RELN: variants seen among roughly 807,000 people sequenced by gnomAD.
The protein encoded by RELN is reelin.
A neutral mutation model predicts 427.6 loss-of-function variants in RELN; 108 were observed. That is an observed-to-expected ratio of 0.25 (90% confidence interval 0.22 to 0.30). The LOEUF (loss-of-function observed/expected upper bound fraction) is 0.30, where lower values mean the gene tolerates loss of function less well. Among genes scored for constraint, RELN ranks in the 10% least tolerant of loss-of-function variants. The pLI, the probability that RELN is intolerant of heterozygous loss-of-function variation, is 1.00. For missense variants in RELN, 3,715 were observed against 4,302.8 expected, an observed-to-expected ratio of 0.86 and a Z score of 3.82; for synonymous variants, 1,524 against 1,513.4, an observed-to-expected ratio of 1.01 and a Z score of -0.16.
At chr7:103,634,898 C>T (rs144978741) in intron 19 of RELN, among the ~76,000 whole-genome samples, 80 of 151,836 alleles carry the variant, frequency 5.3e-4, no homozygotes, top group African/African-American at 1.8e-3. Flanking sequence ...CTCGCTCTGT[C>T]GCCAGGTTGG....
Position 103,596,588 on chromosome 7 carries a change from A to G in RELN, c.3407T>C (p.Ile1136Thr), listed in dbSNP as rs760575416. Residue 1136 changes from isoleucine to threonine, a missense_variant, in exon 25 of 65, where the codon ATA becomes ACA. This residue lies in a region of RELN where 2,208 missense variants were observed against 2,361.7 expected (regional missense o/e 0.93). Transcript: ENST00000428762. ...WVDFVQFYIQ[I>T]GGESASCNKP... ...GTTGCATGAAGCACTCTCTCCGCCT[A>G]TCTGGATGTAGAACTGGACAAAGTC... 2.5e-6 allele frequency: 4 copies of G among 1,614,026 alleles called. No homozygotes were observed. The highest frequency in any genetic ancestry group is 2.2e-5 in the East Asian group (1 of 44,884).
chr7:103,567,606 T>C (rs979320294), intron 31 of RELN, among the ~76,000 whole-genome samples: 1 of 152,132 alleles, frequency 6.6e-6, no homozygotes, highest in African/African-American at 2.4e-5. Flanking sequence ...CCAGCCTTTA[T>C]ACCCGCTTCT....
At chr7:103,740,313 G>T (rs937453760) in intron 6 of RELN, among the ~76,000 whole-genome samples, 6 of 152,168 alleles carry the variant, frequency 3.9e-5, no homozygotes, top group African/African-American at 1.4e-4. Context: ...GTGTAAGCAT[G>T]AACAATTTCC....
chr7:103,536,100 G>A (rs1830044552), intron 45 of RELN, among the ~76,000 whole-genome samples: 1 of 152,110 alleles, frequency 6.6e-6, no homozygotes, highest in South Asian at 2.1e-4. Flanking sequence ...TGGTATGGGT[G>A]AAACTTCTTA....
At chr7:103,562,089 C>A in intron 34 of RELN, 136 bp from the exon 35 acceptor site, 2 of 994,044 alleles carry the variant, frequency 2.0e-6, no homozygotes, top group Non-Finnish European at 3.0e-6. Flanking sequence ...TCTTGACGTA[C>A]TTTATTTTCC....
intron 11 of RELN, among the ~76,000 whole-genome samples, chr7:103,674,615 G>A (rs979070729): frequency 1.2e-4 from 18 of 152,214 alleles, no homozygotes; most frequent in South Asian, 6.2e-4. Flanking sequence ...GGGGGCAGAA[G>A]TCTCTGCTTA....
intron 8 of RELN, among the ~76,000 whole-genome samples, chr7:103,717,363 A>G (rs631989): frequency 0.14 from 20,361 of 150,376 alleles, 1,491 homozygotes; most frequent in Middle Eastern, 0.3. Flanking sequence ...TAAAAAAATA[A>G]ACATTCCCTA....
intron 4 of RELN, among the ~76,000 whole-genome samples, chr7:103,766,549 A>G (rs952885376): frequency 3.9e-5 from 6 of 152,232 alleles, no homozygotes; most frequent in African/African-American, 1.4e-4. Context: ...ATAAAGTTAC[A>G]CTTAAAGTGC....
At chr7:103,983,598 GAGTTC>G (rs1331962304) in intron 1 of RELN, among the ~76,000 whole-genome samples, 1 of 152,178 alleles carries the variant, frequency 6.6e-6, no homozygotes, top group Non-Finnish European at 1.5e-5. Flanking sequence ...AAATGCTATA[GAGTTC>G]AGTTATTTTT....
intron 1 of RELN, among the ~76,000 whole-genome samples, chr7:103,951,965 G>T (rs778671318): frequency 6.6e-6 from 1 of 152,234 alleles, no homozygotes; most frequent in Non-Finnish European, 1.5e-5. Context: ...GAGCCACTGT[G>T]CCCGGCCCTC....
At chr7:103,586,507 T>C (rs1831275694) in intron 28 of RELN, among the ~76,000 whole-genome samples, 1 of 152,134 alleles carries the variant, frequency 6.6e-6, no homozygotes, top group Non-Finnish European at 1.5e-5. Flanking sequence ...CTACTCCAGT[T>C]CAACATAGTA....
At chr7:103,519,555 A>C in intron 48 of RELN, 39 bp from the exon 49 acceptor site, 1 of 1,451,182 alleles carries the variant, frequency 6.9e-7, no homozygotes, top group Non-Finnish European at 9.7e-7. Flanking sequence ...GTGATAAGGA[A>C]TCTCGATTGC....
At chr7:103,793,172 GTTC>G (rs1025313950) in intron 3 of RELN, among the ~76,000 whole-genome samples, 3 of 152,014 alleles carry the variant, frequency 2.0e-5, no homozygotes, top group East Asian at 1.9e-4. Context: ...TGTATAAGTA[GTTC>G]TTCTTTTACC....
At chr7:103,898,844 T>G (rs1795018938) in intron 2 of RELN, among the ~76,000 whole-genome samples, 1 of 152,064 alleles carries the variant, frequency 6.6e-6, no homozygotes, top group Non-Finnish European at 1.5e-5. Context: ...AAATTAGCAT[T>G]TTTAAATTAC....
intron 57 of RELN, 52 bp from the exon 58 acceptor site, chr7:103,492,078 T>A (rs1335776286): frequency 1.5e-6 from 2 of 1,364,142 alleles, no homozygotes; most frequent in Non-Finnish European, 2.1e-6. Context: ...TGATACTGAA[T>A]TCCATTAATT....
At position 103,558,015 on chromosome 7, in the gene RELN, T is replaced by C. The variant is rs773698234; in HGVS notation, c.5564A>G (p.Asp1855Gly). 7 of 1,520,806 alleles carry C rather than the reference T, an allele frequency of 4.6e-6. No homozygotes were observed. The highest frequency in any genetic ancestry group is 2.3e-5 in the East Asian group (1 of 44,308). 94.2% of individuals were successfully genotyped at this position (1,520,806 alleles called of 1,614,324 possible). The change falls in exon 37 of 65, where the codon GAT becomes GGT. Residue 1855 changes from aspartate (D) to glycine (G), a missense_variant. Physicochemically the swap from Asp to Gly is moderately conservative, Grantham distance 94. Transcript: ENST00000428762. ...CTGGACATACATTGTATTTGTACAA[T>C]CTAGATCTCTTGAAATAAGCATCCT... The part of the protein sequence containing the change: ...GLRMLISRDL[D>G]CTNTMYVQFS...
At chr7:103,595,927 T>C (rs978545343) in intron 25 of RELN, among the ~76,000 whole-genome samples, 1 of 152,192 alleles carries the variant, frequency 6.6e-6, no homozygotes, top group African/African-American at 2.4e-5. Flanking sequence ...TTGCCTAAGA[T>C]ATTTTATTAC....
intron 55 of RELN, 136 bp from the exon 56 acceptor site, chr7:103,496,904 T>A: frequency 1.1e-6 from 1 of 903,614 alleles, no homozygotes; most frequent in Non-Finnish European, 1.8e-6. Flanking sequence ...TTTCCTGACT[T>A]TGATATTAGG....
chr7:103,851,995 C>T (rs1584297506), intron 2 of RELN, among the ~76,000 whole-genome samples: 1 of 152,166 alleles, frequency 6.6e-6, no homozygotes, highest in East Asian at 1.9e-4. Context: ...CTGCTGAGTC[C>T]CTGTATAAAG....
Sources: gnomAD v4.1 joint callset for allele counts (sites outside exome capture counted in the v4.1 genomes callset) on GRCh38, gnomAD v4.1.1 for gene constraint, gnomAD v4.1.1 regional missense constraint, MANE v1.5 for transcripts, NCBI Gene and HGNC (gene_info 2026-07-23, HGNC 2026-07-21) for gene names.